The following NEK11 variants were observed in gnomAD, a reference collection of about 807,000 sequenced individuals.
The protein encoded by NEK11 is serine/threonine-protein kinase Nek11.
A neutral mutation model predicts 80.7 loss-of-function variants in NEK11; 72 were observed. The observed-to-expected ratio is 0.89, with a 90% CI of 0.74 to 1.08. The LOEUF (loss-of-function observed/expected upper bound fraction) is 1.08, where lower values mean the gene tolerates loss of function less well. Ranked by LOEUF, NEK11 falls within the 50% of genes least tolerant of loss-of-function variation. The pLI is 0.00. For synonymous variants in NEK11, 251 were observed against 260.7 expected (o/e 0.96, Z 0.36); for missense variants, 764 against 763.6 (o/e 1.00, Z -0.01).
At chr3:131,242,565 T>C (rs959581156) in intron 15 of NEK11, among the ~76,000 whole-genome samples, 25 of 152,214 alleles carry the variant, frequency 1.6e-4, no homozygotes, top group African/African-American at 5.8e-4. Context: ...TTTGACTGAA[T>C]CTTTGCTACG....
intron 15 of NEK11, among the ~76,000 whole-genome samples, chr3:131,234,299 T>C (rs569189260): frequency 7.9e-5 from 12 of 152,352 alleles, no homozygotes; most frequent in African/African-American, 2.9e-4. Context: ...GCCAGAACTG[T>C]TGAGTCCCAG....
chr3:131,041,606 T>C (rs1237390755), intron 3 of NEK11, among the ~76,000 whole-genome samples: 1 of 152,166 alleles, frequency 6.6e-6, no homozygotes, highest in African/African-American at 2.4e-5. Context: ...TGTGTATGCA[T>C]TTTTTAATTG....
At chr3:131,340,292 A>T (rs1243008987) in intron 17 of NEK11, among the ~76,000 whole-genome samples, 1 of 152,214 alleles carries the variant, frequency 6.6e-6, no homozygotes, top group East Asian at 1.9e-4. Flanking sequence ...CTATTCCTGT[A>T]ACTTTTCTGT....
chr3:131,240,983 G>A (rs1015577262), intron 15 of NEK11, among the ~76,000 whole-genome samples: 2 of 152,134 alleles, frequency 1.3e-5, no homozygotes, highest in Non-Finnish European at 1.5e-5. Flanking sequence ...CTGATATGAG[G>A]TCATATGCCT....
chr3:131,220,539 A>T (rs1214269009), intron 14 of NEK11, among the ~76,000 whole-genome samples: 1 of 152,154 alleles, frequency 6.6e-6, no homozygotes, highest in African/African-American at 2.4e-5. Context: ...AGAATAAATC[A>T]GTTTGTTCTT....
At chr3:131,029,228 T>C (rs955653243) in intron 2 of NEK11, among the ~76,000 whole-genome samples, 10 of 152,226 alleles carry the variant, frequency 6.6e-5, no homozygotes, top group African/African-American at 2.2e-4. Flanking sequence ...GAAGAGGGCA[T>C]TACAAAAAGG....
rs2079805681 is a variant in NEK11 at position 131,109,859 on chromosome 3, A to G, written c.393A>G (p.Pro131=). The G allele has an allele frequency of 1.2e-6, 2 of 1,606,632 alleles. No homozygotes were observed. Among genetic ancestry groups the G allele is most frequent in the African/African-American group, 2.7e-5 (2 of 74,406 alleles). ...QEYKQAGKIF[P]ENQIIEWFIQ... is the part of the protein sequence containing the mutation. ...ATAAACAAGCTGGAAAAATCTTTCC[A>G]GAAAATCAAATAATAGAATGGTTTA... Residue 131 remains proline, a synonymous_variant, in exon 5 of 18, where the codon CCA becomes CCG. Coordinates refer to ENST00000383366, the MANE Select transcript of NEK11 (RefSeq NM_024800.5).
chr3:131,203,931 A>G (rs1011929504), intron 14 of NEK11, among the ~76,000 whole-genome samples: 19 of 151,062 alleles, frequency 1.3e-4, no homozygotes, highest in African/African-American at 4.6e-4. Flanking sequence ...TCTCACCTAC[A>G]ATAGAACTCT....
intron 17 of NEK11, among the ~76,000 whole-genome samples, chr3:131,313,857 T>C (rs943677037): frequency 3.3e-5 from 5 of 152,206 alleles, no homozygotes; most frequent in African/African-American, 7.2e-5. Flanking sequence ...ATGAACCAAG[T>C]AGCATTTCAA....
chr3:131,283,342 G>T, intron 17 of NEK11, among the ~76,000 whole-genome samples: 1 of 152,184 alleles, frequency 6.6e-6, no homozygotes, highest in Non-Finnish European at 1.5e-5. Context: ...ACTCACCTTA[G>T]AGATGCAGAA....
At chr3:131,174,043 T>C (rs958899827) in intron 14 of NEK11, among the ~76,000 whole-genome samples, 21 of 152,310 alleles carry the variant, frequency 1.4e-4, no homozygotes, top group Middle Eastern at 6.8e-3. Flanking sequence ...ATTCATACCT[T>C]CTAAATGCTA....
At chr3:131,162,670 A>G (rs2091774450) in intron 11 of NEK11, 143 bp downstream of exon 11, 1 of 910,182 alleles carries the variant, frequency 1.1e-6, no homozygotes, top group East Asian at 2.7e-5. Context: ...TCACTTGTTC[A>G]CTCCAAGATG....
chr3:131,312,949 T>A (rs1293528436), intron 17 of NEK11, among the ~76,000 whole-genome samples: 1 of 152,118 alleles, frequency 6.6e-6, no homozygotes, highest in Non-Finnish European at 1.5e-5. Context: ...CAATAATAGT[T>A]ATTTTTTCCA....
intron 3 of NEK11, among the ~76,000 whole-genome samples, chr3:131,033,308 C>A (rs1028719309): frequency 1.3e-5 from 2 of 152,074 alleles, no homozygotes; most frequent in African/African-American, 2.4e-5. Flanking sequence ...TACTAGACCA[C>A]AAACATAAGG....
intron 14 of NEK11, among the ~76,000 whole-genome samples, chr3:131,227,214 G>A (rs186770700): frequency 6.6e-6 from 1 of 152,192 alleles, no homozygotes; most frequent in Admixed American, 6.6e-5. Context: ...TTATGTTTTA[G>A]TGGGAAACCA....
At chr3:131,042,293 C>T (rs1023197794) in intron 3 of NEK11, among the ~76,000 whole-genome samples, 4 of 152,000 alleles carry the variant, frequency 2.6e-5, no homozygotes, top group Non-Finnish European at 5.9e-5. Flanking sequence ...GGGGCTGAAG[C>T]CAGGGAGCCA....
At chr3:131,133,134 T>C (rs1171057155) in intron 6 of NEK11, 4 of 381,116 alleles carry the variant, frequency 1.0e-5, no homozygotes, top group Non-Finnish European at 2.0e-5. Flanking sequence ...ATTAGAATCA[T>C]TTTACTGGTT....
intron 5 of NEK11, among the ~76,000 whole-genome samples, chr3:131,118,830 A>AT (rs963792480): frequency 9.8e-4 from 148 of 151,484 alleles, no homozygotes; most frequent in African/African-American, 2.6e-3. Context: ...CCCCTTTATC[A>AT]TTTTTTTTGC....
chr3:131,345,918 C>T (rs1448122061), intron 17 of NEK11, among the ~76,000 whole-genome samples: 1 of 151,030 alleles, frequency 6.6e-6, no homozygotes, highest in Non-Finnish European at 1.5e-5. Context: ...TGAAAAATAG[C>T]CAGACATAGG....
Sources: allele counts gnomAD v4.1 joint callset (sites outside exome capture counted in the v4.1 genomes callset), GRCh38; gene constraint gnomAD v4.1.1; transcripts MANE v1.5; gene names NCBI Gene and HGNC (gene_info 2026-07-23, HGNC 2026-07-21).